VPS8: variants seen among roughly 807,000 people sequenced by gnomAD.
The protein encoded by VPS8 is VPS8 subunit of CORVET complex, also known as vacuolar protein sorting-associated protein 8 homolog.
In VPS8, 129 loss-of-function variants were observed where a neutral mutation model predicts 216.4. That is an observed-to-expected ratio of 0.60 (90% CI 0.52 to 0.69). The LOEUF is 0.69. Among genes scored for constraint, VPS8 ranks in the 30% least tolerant of loss-of-function variants. The pLI is 0.00. For synonymous variants in VPS8, 571 were observed against 565.4 expected (o/e 1.01, Z -0.14); for missense variants, 1,531 against 1,683.5 (o/e 0.91, Z 1.59).
chr3:184,971,280 G>A (rs1748357038), intron 39 of VPS8, among the ~76,000 whole-genome samples: 1 of 152,124 alleles, frequency 6.6e-6, no homozygotes, highest in South Asian at 2.1e-4. Context: ...TAGCATCTTG[G>A]GGGAAATATC....
intron 40 of VPS8, among the ~76,000 whole-genome samples, chr3:184,979,865 A>C (rs1170179391): frequency 6.6e-6 from 1 of 152,154 alleles, no homozygotes; most frequent in Admixed American, 6.5e-5. Context: ...GTTGTTGTGC[A>C]GACTTCATTG....
chr3:184,936,852 C>T (rs1046165448), intron 35 of VPS8, among the ~76,000 whole-genome samples: 1 of 151,976 alleles, frequency 6.6e-6, no homozygotes, highest in Non-Finnish European at 1.5e-5. Context: ...ATTCTCCTGC[C>T]TCAGCCTCCT....
At chr3:184,955,701 C>T (rs574672522) in intron 36 of VPS8, among the ~76,000 whole-genome samples, 1 of 152,130 alleles carries the variant, frequency 6.6e-6, no homozygotes, top group Non-Finnish European at 1.5e-5. Context: ...ACACGTTTTC[C>T]TCTGTTTGAA....
At position 185,014,539 on chromosome 3, in the gene VPS8, C is replaced by G. The variant is rs1402990678; in HGVS notation, c.4003-9797C>G. Among the ~76,000 whole-genome samples, 5 of 152,322 alleles carry G rather than the reference C, an allele frequency of 3.3e-5. No homozygotes were observed. The South Asian group carries it at 8.3e-4, about 25-fold the overall frequency. On this transcript the variant is annotated intron_variant, in intron 45 of 47. Transcript: ENST00000625842. ...GCCAAGTTTTTGCTATCAGATCTCT[C>G]CACCAAACCAGTTATTCTGCTTCTG...
intron 45 of VPS8, among the ~76,000 whole-genome samples, chr3:185,004,017 C>T (rs1255446397): frequency 4.0e-5 from 6 of 151,364 alleles, no homozygotes; most frequent in Admixed American, 6.6e-5. Context: ...CGGGCAGAGA[C>T]GCTCCTCACT....
Position 184,924,805 on chromosome 3 carries a change from T to TC in VPS8, c.2455-57_2455-56insC, listed in dbSNP as rs2109174717. ...TATCCCGTCTTCTAATTGTATTTTT[T>TC]TTTTTTTGCATCAAACCAAATGGTG... is the stretch of plus-strand genomic sequence containing the variant. On this transcript the variant is annotated intron_variant, in intron 29 of 47. Coordinates refer to ENST00000625842, the MANE Select transcript of VPS8 (RefSeq NM_001009921.3). The TC allele has an allele frequency of 3.9e-6, 6 of 1,532,406 alleles. No individual in the cohort carries two copies. In the South Asian group the frequency reaches 6.2e-5, roughly 16 times the overall value. The allele number at this position is 1,532,406 out of a possible 1,614,324, so 94.9% of individuals were successfully genotyped here.
chr3:185,048,463 G>A lies in VPS8; in HGVS notation c.4057-16G>A, dbSNP rs1713444231. On this transcript the variant is annotated splice_polypyrimidine_tract_variant and intron_variant, in intron 46 of 47. Coordinates refer to ENST00000625842, the MANE Select transcript of VPS8 (RefSeq NM_001009921.3). ...GCCACGTGATGTTGTTAATCGTATC[G>A]GTTTTTATTTTTCAGGGAACCTCAG... 17 of 1,613,546 alleles carry A rather than the reference G, an allele frequency of 1.1e-5. No individual in the cohort carries two copies. Among genetic ancestry groups the A allele is most frequent in the East Asian group, 2.2e-5 (1 of 44,894 alleles).
chr3:184,825,944 G>A (rs1718673394), intron 2 of VPS8, among the ~76,000 whole-genome samples: 1 of 152,016 alleles, frequency 6.6e-6, no homozygotes, highest in African/African-American at 2.4e-5. Context: ...TCAGGATAGT[G>A]CAGTTAGTGC....
chr3:184,964,446 A>G, intron 37 of VPS8, 22 bp from the exon 38 acceptor site: 1 of 1,397,986 alleles, frequency 7.2e-7, no homozygotes. Flanking sequence ...GAATAAAAAT[A>G]TTTATCTTTT....
At chr3:184,927,959 A>G (rs1441414546) in intron 31 of VPS8, among the ~76,000 whole-genome samples, 2 of 152,186 alleles carry the variant, frequency 1.3e-5, no homozygotes, top group Non-Finnish European at 2.9e-5. Context: ...TTGTTTATTC[A>G]TTCATCCACT....
chr3:184,832,555 C>A, intron 3 of VPS8, 134 bp from the exon 4 acceptor site: 1 of 715,368 alleles, frequency 1.4e-6, no homozygotes, highest in Non-Finnish European at 2.2e-6. Flanking sequence ...TCTTTCTGGT[C>A]AATAAGAATG....
At chr3:185,044,495 A>G (rs1055705046) in intron 46 of VPS8, among the ~76,000 whole-genome samples, 36 of 152,312 alleles carry the variant, frequency 2.4e-4, no homozygotes, top group African/African-American at 8.2e-4. Flanking sequence ...CCGCTGCAGC[A>G]GGGGAGGGAG....
intron 20 of VPS8, 37 bp downstream of exon 20, chr3:184,869,565 G>A: frequency 6.2e-7 from 1 of 1,605,194 alleles, no homozygotes; most frequent in Non-Finnish European, 8.5e-7. Context: ...AGAATACAGT[G>A]CAGATTTGCT....
chr3:185,030,530 TGA>T (rs2108445183), intron 46 of VPS8, among the ~76,000 whole-genome samples: 1 of 152,272 alleles, frequency 6.6e-6, no homozygotes, highest in South Asian at 2.1e-4. Flanking sequence ...GCACAGGGAA[TGA>T]GAGAGTGGAA....
chr3:185,036,669 T>TTA (rs1020374088), intron 46 of VPS8, among the ~76,000 whole-genome samples: 12 of 151,960 alleles, frequency 7.9e-5, no homozygotes, highest in African/African-American at 2.4e-4. Context: ...TTAATACCAT[T>TTA]TATATATATA....
At position 184,971,677 on chromosome 3, in the gene VPS8, T is replaced by C; in HGVS notation, c.3345T>C (p.Asp1115=). 1.2e-6 allele frequency: 2 copies of C among 1,613,360 alleles called. No individual in the cohort carries two copies. Among genetic ancestry groups the C allele is most frequent in the South Asian group, 2.2e-5 (2 of 90,944 alleles). The change falls in exon 40 of 48, where the codon GAT becomes GAC. Residue 1115 remains aspartate (D), a synonymous_variant. Transcript: ENST00000625842. ...ENTKEDPSLK[D]VEDTMVETIA... is the part of the protein sequence containing the mutation. ...CCAAAGAGGATCCCTCATTGAAGGA[T>C]GTTGAAGATACTATGGTGGAGACCA...
intron 36 of VPS8, among the ~76,000 whole-genome samples, chr3:184,943,559 A>G (rs762019776): frequency 1.6e-4 from 24 of 152,228 alleles, no homozygotes; most frequent in Non-Finnish European, 3.2e-4. Context: ...TTGACAGCCA[A>G]CTGTGAAATA....
rs533204343 is a variant in VPS8, at chr3:184,901,717, C to A, written c.2146+745C>A. Among the ~76,000 whole-genome samples the A allele has an allele frequency of 4.6e-5, 7 of 152,242 alleles. No individual in the cohort carries two copies. The South Asian group carries it at 8.3e-4, about 18-fold the overall frequency. On this transcript the variant is annotated intron_variant, in intron 25 of 47. Transcript: ENST00000625842. ...AGAAAACTTTCATTACCTCAAGTAT[C>A]TCACCTTGTTCTCTTACCCTCCATT...
intron 25 of VPS8, among the ~76,000 whole-genome samples, chr3:184,912,244 A>G (rs897628048): frequency 2.6e-5 from 4 of 152,206 alleles, no homozygotes; most frequent in African/African-American, 9.7e-5. Flanking sequence ...GCGTTTTTCT[A>G]ACTCGCTCAG....
Sources: allele counts gnomAD v4.1 joint callset (sites outside exome capture counted in the v4.1 genomes callset), GRCh38; gene constraint gnomAD v4.1.1; transcripts MANE v1.5; gene names NCBI Gene and HGNC (gene_info 2026-07-23, HGNC 2026-07-21).